KIF13A: variants seen among roughly 807,000 people sequenced by gnomAD.
The protein encoded by KIF13A is kinesin family member 13A.
In KIF13A, 79 loss-of-function variants were observed where a neutral mutation model predicts 212.2. The observed-to-expected ratio is 0.37, with a 90% CI of 0.31 to 0.45. The LOEUF (loss-of-function observed/expected upper bound fraction) is 0.45. Ranked by LOEUF, KIF13A falls within the 20% of genes least tolerant of loss-of-function variation. The pLI is 1.00. For missense variants in KIF13A, 1,901 were observed against 2,209.0 expected, an observed-to-expected ratio of 0.86 and a Z score of 2.79; for synonymous variants, 789 against 808.6, an observed-to-expected ratio of 0.98 and a Z score of 0.41.
rs1408130326 is a variant in KIF13A at position 17,772,399 on chromosome 6, A to AGC, written c.4325-341_4325-340insGC. Among the ~76,000 whole-genome samples the AGC allele has an allele frequency of 6.6e-6, 1 of 152,266 alleles. No homozygotes were observed. Among genetic ancestry groups the AGC allele is most frequent in the East Asian group, 1.9e-4 (1 of 5,182 alleles). The stretch of plus-strand genomic sequence containing the variant: ...ACTCCAGCCCGGGCAAGAGAGAGAG[A>AGC]GGGAGACCCTGTCTAAAAACAAAAC... On this transcript the variant is annotated intron_variant, in intron 36 of 38. Transcript: ENST00000259711. The surrounding 1 kb of genome is among the most constrained non-coding windows in gnomAD (Gnocchi z 4.8).
Position 17,764,188 on chromosome 6 carries a change from G to A in KIF13A, c.5340C>T (p.Pro1780=), listed in dbSNP as rs367946478. ...TCTCTAACTTGGAATGCAGCTGGCT[G>A]GGGTGGTGGAGCCCATCGGAGACAG... ...GKTVSDGLHH[P]SQLHSKLEND... Residue 1780 remains proline (P), a synonymous_variant, in exon 39 of 39, where the codon CCC becomes CCT. Coordinates refer to ENST00000259711, the MANE Select transcript of KIF13A (RefSeq NM_022113.6). The surrounding 1 kb of genome is among the most constrained non-coding windows in gnomAD (Gnocchi z 5.1). 2 of 1,613,902 alleles carry A rather than the reference G, an allele frequency of 1.2e-6. No homozygotes were observed. Among genetic ancestry groups the A allele is most frequent in the African/African-American group, 2.7e-5 (2 of 74,928 alleles).
chr6:17,965,584 C>T (rs575971326), intron 2 of KIF13A, among the ~76,000 whole-genome samples: 54 of 152,236 alleles, frequency 3.5e-4, no homozygotes, highest in Admixed American at 1.0e-3. Flanking sequence ...TAAATTATTA[C>T]AAGTGACTCA....
intron 19 of KIF13A, among the ~76,000 whole-genome samples, chr6:17,804,828 A>AAC (rs1762799655): frequency 6.8e-6 from 1 of 146,680 alleles, no homozygotes; most frequent in African/African-American, 2.5e-5. Context: ...AAAAAAAAAA[A>AAC]AAAAAAAAAA....
chr6:17,899,622 G>C lies in KIF13A; in HGVS notation c.147-1442C>G, dbSNP rs1772884809. ...GATGAAGTTGAAACACCATTTTCTT[G>C]AAATTCCACGAATTAGTTGAAAGGG... On this transcript the variant is annotated intron_variant, in intron 2 of 38. Transcript: ENST00000259711. This position sits in a 1 kb window ranked among gnomAD's most constrained non-coding sequence, Gnocchi z 5.2. Among the ~76,000 whole-genome samples the C allele has an allele frequency of 6.6e-6, 1 of 152,174 alleles. No individual in the cohort carries two copies. The highest frequency in any genetic ancestry group is 2.4e-5 in the African/African-American group (1 of 41,436).
At chr6:17,766,508 G>A (rs1341754765) in intron 38 of KIF13A, among the ~76,000 whole-genome samples, 2 of 152,084 alleles carry the variant, frequency 1.3e-5, no homozygotes, top group Admixed American at 6.6e-5. Flanking sequence ...AAAGTGCTGC[G>A]ATTACAGGCA....
intron 2 of KIF13A, among the ~76,000 whole-genome samples, chr6:17,966,346 T>C (rs902809787): frequency 3.3e-5 from 5 of 152,142 alleles, no homozygotes; most frequent in Non-Finnish European, 7.4e-5. Context: ...TTAGTACCCA[T>C]GAGAATACCC....
Position 17,829,941 on chromosome 6 carries a change from G to A in KIF13A, c.1401+1160C>T, listed in dbSNP as rs77603531. 2.3e-3 allele frequency among the ~76,000 whole-genome samples: 355 copies of A among 152,172 alleles called. 7 individuals are homozygous for A. The highest frequency in any genetic ancestry group is 0.017 in the Admixed American group (262 of 15,276). On this transcript the variant is annotated intron_variant, in intron 13 of 38. Transcript: ENST00000259711. The surrounding 1 kb of genome is among the most constrained non-coding windows in gnomAD (Gnocchi z 5.4). Reference sequence around the variant, plus strand: ...CTGTTCTCAAGCAGGCAATACCTTCGCATTTAGAGATTCAGGTGTGTGGAC... The same window carrying A: ...CTGTTCTCAAGCAGGCAATACCTTCACATTTAGAGATTCAGGTGTGTGGAC...
chr6:17,973,126 C>T (rs148405206), intron 2 of KIF13A, among the ~76,000 whole-genome samples: 64 of 152,298 alleles, frequency 4.2e-4, no homozygotes, highest in African/African-American at 1.5e-3. Context: ...AAACAAAACA[C>T]GATGCCCAAG....
intron 2 of KIF13A, among the ~76,000 whole-genome samples, chr6:17,909,584 T>G (rs998581503): frequency 2.1e-5 from 3 of 146,338 alleles, no homozygotes; most frequent in Admixed American, 6.8e-5. Context: ...ATATGTATGA[T>G]AGAGGAAGGG....
chr6:17,810,985 G>C (rs7761748), intron 17 of KIF13A, among the ~76,000 whole-genome samples: 2 of 152,068 alleles, frequency 1.3e-5, no homozygotes, highest in East Asian at 1.9e-4. Context: ...CTGGGGATTG[G>C]GGACCCCTGT....
At position 17,796,793 on chromosome 6, in the gene KIF13A, ATTC is replaced by A; in HGVS notation, c.2815_2817del (p.Glu939del). 6.4e-7 allele frequency: 1 copy of A among 1,574,036 alleles called. No homozygotes were observed. The highest frequency in any genetic ancestry group is 2.4e-5 in the East Asian group (1 of 41,912). ...GCTCCATCTGAAATGAACTCCAGAA[ATTC>A]TTCTGTTACATTCACCACATAGTCC... On this transcript the variant is annotated inframe_deletion, in exon 23 of 39. Transcript: ENST00000259711.
rs3822906 is a variant in KIF13A at position 17,816,783 on chromosome 6, T to C, written c.2000+237A>G. Reference sequence around the variant, plus strand: ...GTCTAACCCTTGCAACTTGGCACCATTTTTATTGAAGGGTAAATGGTTTGG... The same window carrying C: ...GTCTAACCCTTGCAACTTGGCACCACTTTTATTGAAGGGTAAATGGTTTGG... On this transcript the variant is annotated intron_variant, in intron 17 of 38. Coordinates refer to ENST00000259711, the MANE Select transcript of KIF13A (RefSeq NM_022113.6). The surrounding 1 kb of genome is among the most constrained non-coding windows in gnomAD (Gnocchi z 4.3). 0.21 allele frequency among the ~76,000 whole-genome samples: 32,520 copies of C among 152,210 alleles called. 3,577 individuals carry two copies. Among genetic ancestry groups the C allele is most frequent in the Admixed American group, 0.29 (4,369 of 15,300 alleles).
At chr6:17,761,692 T>G (rs146331610), downstream of KIF13A, among the ~76,000 whole-genome samples, 3 of 152,096 alleles carry the variant, frequency 2.0e-5, no homozygotes, top group African/African-American at 7.3e-5. Flanking sequence ...TAAAAACTCT[T>G]TAAAGGAGAA....
chr6:17,866,727 C>A (rs1769403495), intron 4 of KIF13A, among the ~76,000 whole-genome samples: 1 of 150,632 alleles, frequency 6.6e-6, no homozygotes, highest in Non-Finnish European at 1.5e-5. Context: ...CCAACAAACA[C>A]CCTAAGGAAC....
In KIF13A at chr6:17,786,898, A is replaced by G. The variant is rs1400192574; in HGVS notation, c.3361+878T>C. On this transcript the variant is annotated intron_variant, in intron 27 of 38. Coordinates refer to ENST00000259711, the MANE Select transcript of KIF13A (RefSeq NM_022113.6). The surrounding 1 kb of genome is among the most constrained non-coding windows in gnomAD (Gnocchi z 5.4). The stretch of plus-strand genomic sequence containing the variant: ...TGATGTGTATGTTCTTTGCTGCAGA[A>G]CCAACCACCGTGAGTGGACCATGAT... 6.6e-6 allele frequency among the ~76,000 whole-genome samples: 1 copy of G among 152,158 alleles called. No homozygotes were observed. The highest frequency in any genetic ancestry group is 1.5e-5 in the Non-Finnish European group (1 of 68,008).
rs1172784208 is a variant in KIF13A, at chr6:17,826,194, A to C, written c.1533-70T>G. On this transcript the variant is annotated intron_variant, in intron 14 of 38. Transcript: ENST00000259711. This position sits in a 1 kb window ranked among gnomAD's most constrained non-coding sequence, Gnocchi z 4.7. ...CAAGACCTTGTCCTGGTAGCCAAAG[A>C]GATAACTAGGGGAGCTTTCTCTTAA... The C allele has an allele frequency of 8.7e-7, 1 of 1,154,262 alleles. No homozygotes were observed. The highest frequency in any genetic ancestry group is 1.5e-5 in the African/African-American group (1 of 65,120). The allele number at this position is 1,154,262 out of a possible 1,614,324, so 71.5% of individuals were successfully genotyped here. A position where few individuals can be genotyped will look rare whatever the true frequency, so the allele number is the denominator to read the frequency against.
rs1775523090 is a variant in KIF13A at position 17,926,624 on chromosome 6, A to G, written c.147-28444T>C. Among the ~76,000 whole-genome samples the G allele has an allele frequency of 6.8e-6, 1 of 147,550 alleles. No individual in the cohort carries two copies. Among genetic ancestry groups the G allele is most frequent in the South Asian group, 2.3e-4 (1 of 4,406 alleles). ...GCTTCTCGGCTAGAAGGCATCCCCA[A>G]TTATATACTCACTGGAAAAGCATCG... On this transcript the variant is annotated intron_variant, in intron 2 of 38. Transcript: ENST00000259711. The surrounding 1 kb of genome is among the most constrained non-coding windows in gnomAD (Gnocchi z 4.3).
chr6:17,828,729 T>A lies in KIF13A; in HGVS notation c.1402-359A>T, dbSNP rs1270927284. On this transcript the variant is annotated intron_variant, in intron 13 of 38. Coordinates refer to ENST00000259711, the MANE Select transcript of KIF13A (RefSeq NM_022113.6). This position sits in a 1 kb window ranked among gnomAD's most constrained non-coding sequence, Gnocchi z 4.3. ...TTCTTTGTTGGCAAAACCAGAATAA[T>A]ATTATCTATTTCACCTATTTAGATT... Among the ~76,000 whole-genome samples the A allele has an allele frequency of 6.6e-6, 1 of 152,168 alleles. No homozygotes were observed. Among genetic ancestry groups the A allele is most frequent in the Admixed American group, 6.5e-5 (1 of 15,268 alleles).
chr6:17,958,048 T>C (rs1006433277), intron 2 of KIF13A, among the ~76,000 whole-genome samples: 2 of 152,186 alleles, frequency 1.3e-5, no homozygotes, highest in Non-Finnish European at 2.9e-5. Flanking sequence ...CACCAAACCC[T>C]GCTTTTGAAG....
Sources: gnomAD v4.1 joint callset for allele counts (sites outside exome capture counted in the v4.1 genomes callset) on GRCh38, gnomAD v4.1.1 for gene constraint, Gnocchi (gnomAD v3.1) non-coding constraint, MANE v1.5 for transcripts, NCBI Gene and HGNC (gene_info 2026-07-23, HGNC 2026-07-21) for gene names.